The following AK4 variants were observed in gnomAD, a reference collection of about 807,000 sequenced individuals.
AK4 encodes adenylate kinase 4.
AK4 carries 13 observed loss-of-function variants against 24.6 expected under a neutral mutation model. That is an observed-to-expected ratio of 0.53 (90% CI 0.34 to 0.84). The LOEUF is 0.84. Ranked by LOEUF, AK4 falls within the 40% of genes least tolerant of loss-of-function variation. The pLI is 0.01. For synonymous variants in AK4, 88 were observed against 107.0 expected (o/e 0.82, Z 1.10); for missense variants, 192 against 288.2 (o/e 0.67, Z 2.42).
At chr1:65,216,282 G>A (rs533294630) in intron 2 of AK4, among the ~76,000 whole-genome samples, 38 of 152,054 alleles carry the variant, frequency 2.5e-4, no homozygotes, top group South Asian at 1.9e-3. Context: ...ACAGGCATGC[G>A]CCACCAGGCC....
chr1:65,169,579 A>G (rs1175229649), intron 1 of AK4, among the ~76,000 whole-genome samples: 1 of 152,214 alleles, frequency 6.6e-6, no homozygotes, highest in Admixed American at 6.6e-5. Flanking sequence ...CAGCCTGGCC[A>G]GGGTGAGGGG....
chr1:65,213,460 G>T (rs1184431737), intron 2 of AK4, among the ~76,000 whole-genome samples: 3 of 152,060 alleles, frequency 2.0e-5, no homozygotes, highest in Admixed American at 1.3e-4. Flanking sequence ...GCCACAGAGA[G>T]CACCAGGGAC....
At chr1:65,192,365 T>G (rs962746003) in intron 2 of AK4, among the ~76,000 whole-genome samples, 2 of 152,196 alleles carry the variant, frequency 1.3e-5, no homozygotes, top group African/African-American at 4.8e-5. Flanking sequence ...AACCCACTTC[T>G]GTGATAAGAG....
rs1652484164 is a variant in AK4 at position 65,226,984 on chromosome 1, A to G, written c.*807A>G. 3 of 140,706 alleles carry G rather than the reference A, an allele frequency of 2.1e-5. No homozygotes were observed. In the Admixed American group the frequency reaches 2.2e-4, roughly 10 times the overall value. 8.7% of individuals were successfully genotyped at this position (140,706 alleles called of 1,614,324 possible). On this transcript the variant is annotated 3_prime_UTR_variant, in exon 5 of 5. Transcript: ENST00000327299. The stretch of plus-strand genomic sequence containing the variant: ...CTTATTAAACTGCTGGTCTGACTTT[A>G]TGGATTGACACTGTTCCTTTCTTTT...
At chr1:65,168,021 C>A (rs1259498873) in intron 1 of AK4, among the ~76,000 whole-genome samples, 1 of 152,128 alleles carries the variant, frequency 6.6e-6, no homozygotes, top group Non-Finnish European at 1.5e-5. Context: ...TACCATTCTT[C>A]CCATATCATT....
intron 2 of AK4, among the ~76,000 whole-genome samples, chr1:65,202,375 C>G (rs1257636837): frequency 6.6e-6 from 1 of 152,070 alleles, no homozygotes; most frequent in Non-Finnish European, 1.5e-5. Context: ...CCAGCCTGGG[C>G]AACTGAGTGA....
At chr1:65,207,725 T>C (rs1164607163) in intron 2 of AK4, among the ~76,000 whole-genome samples, 6 of 152,262 alleles carry the variant, frequency 3.9e-5, no homozygotes, top group East Asian at 1.9e-4. Flanking sequence ...CCCTGTTGTC[T>C]GCTGTGCCCA....
chr1:65,152,730 T>C lies in AK4; in HGVS notation c.145+4178T>C, dbSNP rs529482878. ...TCTCAATATTAACTGCAGCTCTTGC[T>C]GGAGTTTTGCTGATGGGACTAGCAT... On this transcript the variant is annotated intron_variant, in intron 1 of 4. Coordinates refer to ENST00000327299, the MANE Select transcript of AK4 (RefSeq NM_013410.4). Among the ~76,000 whole-genome samples the C allele has an allele frequency of 4.6e-5, 7 of 152,164 alleles. No individual in the cohort carries two copies. The South Asian group carries it at 1.2e-3, about 27-fold the overall frequency.
intron 1 of AK4, among the ~76,000 whole-genome samples, chr1:65,169,175 C>CAAAAAAAAAAAAAAAAA (rs577188503): frequency 1.5e-5 from 1 of 64,792 alleles, no homozygotes; most frequent in Non-Finnish European, 3.2e-5. Context: ...GACGCTGTCT[C>CAAAAAAAAAAAAAAAAA]AAAAAAAAAA....
At chr1:65,203,363 A>T (rs1041702702) in intron 2 of AK4, among the ~76,000 whole-genome samples, 1 of 152,180 alleles carries the variant, frequency 6.6e-6, no homozygotes, top group South Asian at 2.1e-4. Flanking sequence ...TTAAGCTCCA[A>T]TAGAAATACC....
chr1:65,153,350 G>A (rs754169054), intron 1 of AK4, among the ~76,000 whole-genome samples: 12 of 152,180 alleles, frequency 7.9e-5, no homozygotes, highest in Middle Eastern at 3.4e-3. Flanking sequence ...GCTTACTGTG[G>A]CCTTGATTTC....
At chr1:65,150,099 C>T (rs1030164718) in intron 1 of AK4, among the ~76,000 whole-genome samples, 7 of 152,100 alleles carry the variant, frequency 4.6e-5, no homozygotes, top group Non-Finnish European at 1.0e-4. Context: ...TTCTCTGTAC[C>T]TTACTTGGTG....
At chr1:65,174,542 T>A (rs1452483444) in intron 1 of AK4, among the ~76,000 whole-genome samples, 1 of 152,214 alleles carries the variant, frequency 6.6e-6, no homozygotes, top group Non-Finnish European at 1.5e-5. Context: ...ACTGTTGGGA[T>A]CCTTTGCTCC....
intron 2 of AK4, among the ~76,000 whole-genome samples, chr1:65,191,230 G>A (rs1438108273): frequency 2.6e-5 from 4 of 152,170 alleles, no homozygotes; most frequent in African/African-American, 9.7e-5. Flanking sequence ...CCTTTATTGA[G>A]TATGTAGGAA....
chr1:65,174,558 C>T (rs1412434629), intron 1 of AK4, among the ~76,000 whole-genome samples: 1 of 152,138 alleles, frequency 6.6e-6, no homozygotes. Flanking sequence ...GCTCCCTGAG[C>T]CTTTGTTTAA....
chr1:65,206,831 G>C (rs1394013453), intron 2 of AK4, among the ~76,000 whole-genome samples: 2 of 152,216 alleles, frequency 1.3e-5, no homozygotes, highest in Admixed American at 6.5e-5. Flanking sequence ...GAGGCTTTAA[G>C]CAAGGGGTTT....
At chr1:65,224,682 C>T in intron 3 of AK4, 70 bp from the exon 4 acceptor site, 2 of 1,258,310 alleles carry the variant, frequency 1.6e-6, no homozygotes, top group Non-Finnish European at 2.3e-6. Context: ...TGGTTTTGCA[C>T]AGAAAAGTTT....
chr1:65,159,690 C>T (rs1478097960), intron 1 of AK4, among the ~76,000 whole-genome samples: 1 of 149,264 alleles, frequency 6.7e-6, no homozygotes, highest in Non-Finnish European at 1.5e-5. Context: ...AAAAAGTTGG[C>T]CGGGCGTGGT....
At position 65,226,017 on chromosome 1, in the gene AK4, G is replaced by A. The variant is rs766346242; in HGVS notation, c.558-46G>A. 20 of 1,593,366 alleles carry A rather than the reference G, an allele frequency of 1.3e-5. No individual in the cohort carries two copies. In the African/African-American group the frequency reaches 2.5e-4, roughly 20 times the overall value. On this transcript the variant is annotated intron_variant, in intron 4 of 4. Coordinates refer to ENST00000327299, the MANE Select transcript of AK4 (RefSeq NM_013410.4). ...CTAGGATCTTCTGCACTAATACGTG[G>A]AAAAGAAACCTAAAAAGCCATTGTA...
Sources: allele counts gnomAD v4.1 joint callset (sites outside exome capture counted in the v4.1 genomes callset), GRCh38; gene constraint gnomAD v4.1.1; transcripts MANE v1.5; gene names NCBI Gene and HGNC (gene_info 2026-07-23, HGNC 2026-07-21).